Variants in PPM1H observed in about 807,000 individuals in gnomAD.
The protein encoded by PPM1H is protein phosphatase, Mg2+/Mn2+ dependent 1H, also known as protein phosphatase 1H.
In PPM1H, 27 loss-of-function variants were observed where a neutral mutation model predicts 54.9. That is an observed-to-expected ratio of 0.49 (90% CI 0.36 to 0.68). The LOEUF is 0.68. PPM1H is among the 30% of genes least tolerant of loss of function. PPM1H has a pLI of 0.00. For synonymous variants in PPM1H, 305 were observed against 270.8 expected (o/e 1.13, Z -1.24); for missense variants, 596 against 667.8 (o/e 0.89, Z 1.19).
chr12:62,681,778 T>C (rs1006017681), intron 8 of PPM1H, among the ~76,000 whole-genome samples: 5 of 152,200 alleles, frequency 3.3e-5, no homozygotes, highest in Non-Finnish European at 7.3e-5. Context: ...TCCTTGAAGA[T>C]ATGTTCCCCA....
rs146549649 is a variant in PPM1H at position 62,832,602 on chromosome 12, C to A, written c.246-323G>T. 2.9e-3 allele frequency among the ~76,000 whole-genome samples: 437 copies of A among 152,246 alleles called. 2 individuals are homozygous for A. Among genetic ancestry groups the A allele is most frequent in the African/African-American group, 9.4e-3 (389 of 41,538 alleles). On this transcript the variant is annotated intron_variant, in intron 1 of 9. Coordinates refer to ENST00000228705, the MANE Select transcript of PPM1H (RefSeq NM_020700.2). ...GCAATCACTCTTTCAGGTTAAGGAA[C>A]CTGAATGTTTCGGCAATTACAATGA... is the stretch of plus-strand genomic sequence containing the variant.
intron 2 of PPM1H, among the ~76,000 whole-genome samples, chr12:62,828,001 C>T (rs1018582282): frequency 2.6e-5 from 4 of 152,152 alleles, no homozygotes; most frequent in Admixed American, 1.3e-4. Context: ...AGCATGCAGA[C>T]TCAGAGTTCA....
At chr12:62,664,063 A>T (rs750090885) in intron 9 of PPM1H, among the ~76,000 whole-genome samples, 2 of 130,296 alleles carry the variant, frequency 1.5e-5, no homozygotes, top group African/African-American at 6.0e-5. Flanking sequence ...CAAGTAACAC[A>T]AGTCAGCCCT....
Position 62,648,609 on chromosome 12 carries a change from C to A in PPM1H, c.1425G>T (p.Val475=). ...CCTTCAGCACACCCCGGGCACGCATCACCAGGTCCTGAGCTGCCAGTGTGT... is the reference window on the plus strand; with the variant it reads ...CCTTCAGCACACCCCGGGCACGCATAACCAGGTCCTGAGCTGCCAGTGTGT... The part of the protein sequence containing the change: ...HRYTLAAQDL[V]MRARGVLKDR... The change falls in exon 10 of 10, where the codon GTG becomes GTT. Residue 475 remains valine, a synonymous_variant. Transcript: ENST00000228705. 6.2e-7 allele frequency: 1 copy of A among 1,613,988 alleles called. No homozygotes were observed.
chr12:62,830,412 T>C (rs895630308), intron 2 of PPM1H, among the ~76,000 whole-genome samples: 29 of 152,192 alleles, frequency 1.9e-4, no homozygotes, highest in African/African-American at 3.6e-4. Flanking sequence ...CCCGCCACCA[T>C]GCCCGGCTAA....
chr12:62,762,389 A>T (rs2076514476), intron 4 of PPM1H, among the ~76,000 whole-genome samples: 1 of 152,234 alleles, frequency 6.6e-6, no homozygotes, highest in Non-Finnish European at 1.5e-5. Flanking sequence ...AGAAAGCCAC[A>T]GAGCAGGACA....
chr12:62,754,856 G>T (rs1159901141), intron 4 of PPM1H, among the ~76,000 whole-genome samples: 1 of 152,194 alleles, frequency 6.6e-6, no homozygotes, highest in Non-Finnish European at 1.5e-5. Context: ...TAACAAAATG[G>T]AAGGGTTTCC....
intron 9 of PPM1H, among the ~76,000 whole-genome samples, chr12:62,664,486 C>T (rs1177564623): frequency 2.6e-5 from 4 of 152,136 alleles, no homozygotes; most frequent in Admixed American, 2.6e-4. Context: ...TTAGCTATTT[C>T]AACTTGTTTA....
rs545859787 is a variant in PPM1H, at chr12:62,900,399, G to C, written c.245+34093C>G. On this transcript the variant is annotated intron_variant, in intron 1 of 9. Coordinates refer to ENST00000228705, the MANE Select transcript of PPM1H (RefSeq NM_020700.2). Reference sequence around the variant, plus strand: ...CAGGGGCCTGTTGTGGGGTGGGGTAGGGGGGAGGGATAGTATTAGGAGATA... The same window carrying C: ...CAGGGGCCTGTTGTGGGGTGGGGTACGGGGGAGGGATAGTATTAGGAGATA... 8.6e-5 allele frequency among the ~76,000 whole-genome samples: 13 copies of C among 152,046 alleles called. No homozygotes were observed. In the East Asian group the frequency reaches 2.1e-3, roughly 25 times the overall value.
intron 1 of PPM1H, among the ~76,000 whole-genome samples, chr12:62,842,685 A>C (rs1251133736): frequency 1.3e-5 from 2 of 152,336 alleles, no homozygotes; most frequent in Middle Eastern, 3.4e-3. Flanking sequence ...GGAGGGTTTT[A>C]AGCCCTAACT....
intron 1 of PPM1H, among the ~76,000 whole-genome samples, chr12:62,921,447 A>G (rs893157500): frequency 5.3e-5 from 8 of 152,154 alleles, no homozygotes; most frequent in Non-Finnish European, 1.0e-4. Context: ...GATTAATTAC[A>G]CCATGCATCC....
intron 1 of PPM1H, among the ~76,000 whole-genome samples, chr12:62,931,622 GAGAACGAGTT>G (rs1872134491): frequency 2.6e-5 from 4 of 152,316 alleles, no homozygotes; most frequent in Admixed American, 2.6e-4. Context: ...ATCTACTGTA[GAGAACGAGTT>G]TGGTGTTGCG....
At chr12:62,794,670 G>C (rs574901447) in intron 3 of PPM1H, among the ~76,000 whole-genome samples, 7 of 152,238 alleles carry the variant, frequency 4.6e-5, no homozygotes, top group South Asian at 4.1e-4. Context: ...GAGGGCAAAG[G>C]CTTCCTGTAA....
chr12:62,853,048 T>C (rs1565810020), intron 1 of PPM1H, among the ~76,000 whole-genome samples: 1 of 152,008 alleles, frequency 6.6e-6, no homozygotes, highest in African/African-American at 2.4e-5. Flanking sequence ...GTCAACCTTA[T>C]AATAAAAAGG....
At chr12:62,870,263 G>A (rs556448208) in intron 1 of PPM1H, among the ~76,000 whole-genome samples, 12 of 152,244 alleles carry the variant, frequency 7.9e-5, no homozygotes, top group East Asian at 5.8e-4. Context: ...CGAATTTGAC[G>A]AAATTGTGCA....
intron 6 of PPM1H, among the ~76,000 whole-genome samples, chr12:62,709,994 C>G (rs1334478855): frequency 6.6e-6 from 1 of 151,942 alleles, no homozygotes; most frequent in Non-Finnish European, 1.5e-5. Context: ...CGCTTGAACC[C>G]AGGAAGCGGA....
intron 7 of PPM1H, among the ~76,000 whole-genome samples, chr12:62,691,980 C>T (rs911397414): frequency 6.6e-6 from 1 of 152,174 alleles, no homozygotes; most frequent in Admixed American, 6.5e-5. Flanking sequence ...TCTCTGTGTG[C>T]TCTTTCCAGC....
At chr12:62,799,113 T>C (rs1314145474) in intron 3 of PPM1H, among the ~76,000 whole-genome samples, 1 of 152,212 alleles carries the variant, frequency 6.6e-6, no homozygotes, top group Non-Finnish European at 1.5e-5. Flanking sequence ...ACAATTGTTG[T>C]TTTTGCTGGT....
intron 4 of PPM1H, among the ~76,000 whole-genome samples, chr12:62,748,529 AAC>A (rs3052402): frequency 0.41 from 59,917 of 147,078 alleles, 12,474 homozygotes; most frequent in East Asian, 0.52. Context: ...TTCAGTGTAG[AAC>A]ACACACACAC....
Sources: gnomAD v4.1 joint callset for allele counts (sites outside exome capture counted in the v4.1 genomes callset) on GRCh38, gnomAD v4.1.1 for gene constraint, MANE v1.5 for transcripts, NCBI Gene and HGNC (gene_info 2026-07-23, HGNC 2026-07-21) for gene names.